Variants in PRKD1 observed in about 807,000 individuals in gnomAD.
PRKD1 encodes the protein serine/threonine-protein kinase D1.
PRKD1 carries 63 observed loss-of-function variants against 95.9 expected under a neutral mutation model. The ratio of observed to expected loss-of-function variants is 0.66; its 90% CI spans 0.54 to 0.81. PRKD1 has a LOEUF of 0.81. Ranked by LOEUF, PRKD1 falls within the 30% of genes least tolerant of loss-of-function variation. The pLI is 0.00. For synonymous variants in PRKD1, 425 were observed against 423.1 expected, an observed-to-expected ratio of 1.00 and a Z score of -0.05; for missense variants, 1,048 against 1,165.3, an observed-to-expected ratio of 0.90 and a Z score of 1.47.
intron 13 of PRKD1, among the ~76,000 whole-genome samples, chr14:29,613,554 G>A (rs1377725092): frequency 2.6e-5 from 4 of 152,162 alleles, no homozygotes; most frequent in Admixed American, 1.3e-4. Flanking sequence ...TTTACTGAGT[G>A]CCTTCCAGGG....
intron 2 of PRKD1, among the ~76,000 whole-genome samples, chr14:29,693,068 A>AT (rs11327891): frequency 7.2e-5 from 11 of 151,922 alleles, no homozygotes; most frequent in South Asian, 6.2e-4. Flanking sequence ...GAATTTGGGC[A>AT]TTTTTTTTGA....
At chr14:29,599,921 C>A in intron 13 of PRKD1, 104 bp from the exon 14 acceptor site, 2 of 1,033,422 alleles carry the variant, frequency 1.9e-6, no homozygotes, top group Admixed American at 3.2e-5. Flanking sequence ...TATAGAGAAA[C>A]CCACACTTAA....
At chr14:29,769,737 G>A (rs756683856) in intron 1 of PRKD1, among the ~76,000 whole-genome samples, 2 of 152,148 alleles carry the variant, frequency 1.3e-5, no homozygotes, top group Non-Finnish European at 2.9e-5. Context: ...CAAATATATT[G>A]AGAAACAGTG....
At chr14:29,642,912 A>ATTT (rs5807544) in intron 4 of PRKD1, among the ~76,000 whole-genome samples, 4 of 146,532 alleles carry the variant, frequency 2.7e-5, no homozygotes, top group African/African-American at 1.0e-4. Flanking sequence ...CTGCAGAATG[A>ATTT]TTTTTTTTTT....
At chr14:29,616,080 T>C (rs568861427) in intron 13 of PRKD1, among the ~76,000 whole-genome samples, 16 of 151,892 alleles carry the variant, frequency 1.1e-4, no homozygotes, top group African/African-American at 3.9e-4. Flanking sequence ...GCTCTGGAAA[T>C]GAGCTTCAAA....
intron 2 of PRKD1, among the ~76,000 whole-genome samples, chr14:29,674,171 A>G (rs1883024605): frequency 6.6e-6 from 1 of 152,168 alleles, no homozygotes; most frequent in Admixed American, 6.5e-5. Context: ...TGTCACAACC[A>G]TCATTACTAA....
intron 1 of PRKD1, among the ~76,000 whole-genome samples, chr14:29,754,942 T>C (rs918749196): frequency 1.3e-5 from 2 of 152,134 alleles, no homozygotes; most frequent in Admixed American, 6.6e-5. Flanking sequence ...TTTCTTCTTA[T>C]ATACATTATC....
chr14:29,894,231 G>C (rs1232201985), intron 1 of PRKD1, among the ~76,000 whole-genome samples: 2 of 152,216 alleles, frequency 1.3e-5, no homozygotes, highest in African/African-American at 2.4e-5. Context: ...GGAGGAGGCG[G>C]GGGAGTATAA....
chr14:29,590,062 G>A (rs1302809019), intron 16 of PRKD1, among the ~76,000 whole-genome samples: 1 of 152,112 alleles, frequency 6.6e-6, no homozygotes, highest in African/African-American at 2.4e-5. Flanking sequence ...TATAAAGTGA[G>A]ACTAAGTCTT....
rs1315931700 is a variant in PRKD1 at position 29,762,535 on chromosome 14, T to C, written c.265-36861A>G. 2.0e-5 allele frequency among the ~76,000 whole-genome samples: 3 copies of C among 152,350 alleles called. No individual in the cohort carries two copies. The South Asian group carries it at 6.2e-4, about 32-fold the overall frequency. On this transcript the variant is annotated intron_variant, in intron 1 of 17. Coordinates refer to ENST00000331968, the MANE Select transcript of PRKD1 (RefSeq NM_002742.3). ...CTCTCATGCAAAGGATGAAGGCACC[T>C]GTATAATTACTAACAGACAACATTC...
chr14:29,885,804 T>TAAAAAAAAAAAAAA lies in PRKD1; in HGVS notation c.264+41431_264+41444dup, dbSNP rs759317394. Among the ~76,000 whole-genome samples, 76 of 53,476 alleles carry TAAAAAAAAAAAAAA rather than the reference T, an allele frequency of 1.4e-3. 5 individuals carry two copies. Among genetic ancestry groups the TAAAAAAAAAAAAAA allele is most frequent in the East Asian group, 8.2e-3 (11 of 1,346 alleles). The allele number at this position is 53,476 out of a possible 152,430, so 35.1% of individuals were successfully genotyped here. On this transcript the variant is annotated intron_variant, in intron 1 of 17. Coordinates refer to ENST00000331968, the MANE Select transcript of PRKD1 (RefSeq NM_002742.3). ...CAACATGGTGAAACCCCATCTTTAC[T>TAAAAAAAAAAAAAA]AAAAAAAAAAAAAAAAAAAAAAAAA...
rs186502805 is a variant in PRKD1, at chr14:29,844,814, T to G, written c.264+82435A>C. ...TGTTAATGGCCCAGTCTCCCTCTAG[T>G]TACTCATTCTGCCACCATGGTCCAA... On this transcript the variant is annotated intron_variant, in intron 1 of 17. Coordinates refer to ENST00000331968, the MANE Select transcript of PRKD1 (RefSeq NM_002742.3). Among the ~76,000 whole-genome samples the G allele has an allele frequency of 1.1e-4, 16 of 152,312 alleles. No homozygotes were observed. The East Asian group carries it at 2.5e-3, about 24-fold the overall frequency.
chr14:29,842,900 C>G (rs1891915267), intron 1 of PRKD1, among the ~76,000 whole-genome samples: 1 of 152,074 alleles, frequency 6.6e-6, no homozygotes. Flanking sequence ...TGGCTGGCAA[C>G]TCAAACTTTG....
chr14:29,759,190 T>C (rs1186650260), intron 1 of PRKD1, among the ~76,000 whole-genome samples: 1 of 151,830 alleles, frequency 6.6e-6, no homozygotes, highest in Non-Finnish European at 1.5e-5. Context: ...GCAGTGAGTG[T>C]GGATTAGGTG....
intron 4 of PRKD1, among the ~76,000 whole-genome samples, chr14:29,648,413 A>C (rs1196809198): frequency 6.6e-6 from 1 of 151,770 alleles, no homozygotes; most frequent in Admixed American, 6.6e-5. Flanking sequence ...AGTTGACTGG[A>C]TACTTTTGAT....
At chr14:29,877,275 C>T (rs1380208618) in intron 1 of PRKD1, among the ~76,000 whole-genome samples, 1 of 152,208 alleles carries the variant, frequency 6.6e-6, no homozygotes, top group Non-Finnish European at 1.5e-5. Context: ...GTTGCAGCTG[C>T]TATGGGAAAA....
chr14:29,788,820 T>C (rs1889393677), intron 1 of PRKD1, among the ~76,000 whole-genome samples: 1 of 152,260 alleles, frequency 6.6e-6, no homozygotes, highest in African/African-American at 2.4e-5. Flanking sequence ...ACTTCTTTTC[T>C]TGATCTCTTT....
At chr14:29,578,000 A>G (rs1246681624) in intron 17 of PRKD1, among the ~76,000 whole-genome samples, 1 of 151,566 alleles carries the variant, frequency 6.6e-6, no homozygotes, top group Non-Finnish European at 1.5e-5. Context: ...TCCTTGGTTT[A>G]TTTATTTATT....
At position 29,706,135 on chromosome 14, in the gene PRKD1, T is replaced by C. The variant is rs138519500; in HGVS notation, c.403+19401A>G. On this transcript the variant is annotated intron_variant, in intron 2 of 17. Transcript: ENST00000331968. ...CTGTCTGTCTACTTGATTATAGCCA[T>C]CCTACTGGATGTTAAATAGTATCTC... Among the ~76,000 whole-genome samples the C allele has an allele frequency of 8.9e-3, 1,361 of 152,240 alleles. 18 individuals carry two copies. Among genetic ancestry groups the C allele is most frequent in the African/African-American group, 0.031 (1,307 of 41,576 alleles).
Sources: allele counts gnomAD v4.1 joint callset (sites outside exome capture counted in the v4.1 genomes callset), GRCh38; gene constraint gnomAD v4.1.1; transcripts MANE v1.5; gene names NCBI Gene and HGNC (gene_info 2026-07-23, HGNC 2026-07-21).